SMAD3: variants seen among roughly 807,000 people sequenced by gnomAD.
SMAD3 encodes MAD homolog 3.
A neutral mutation model predicts 51.8 loss-of-function variants in SMAD3; 12 were observed. The ratio of observed to expected loss-of-function variants is 0.23; its 90% confidence interval spans 0.15 to 0.38. The LOEUF is 0.38. Among genes scored for constraint, SMAD3 ranks in the 10% least tolerant of loss-of-function variants. The pLI, the probability that SMAD3 is intolerant of heterozygous loss-of-function variation, is 1.00. For missense variants in SMAD3, 294 were observed against 565.6 expected, an observed-to-expected ratio of 0.52 and a Z score of 4.87; for synonymous variants, 238 against 227.7, an observed-to-expected ratio of 1.05 and a Z score of -0.41.
At chr15:67,166,662 G>GCTTGATA (rs1962597875) in intron 3 of SMAD3, 117 bp from the exon 4 acceptor site, 1 of 743,790 alleles carries the variant, frequency 1.3e-6, no homozygotes, top group Non-Finnish European at 2.4e-6. Context: ...AAGACCTGGA[G>GCTTGATA]CTCCTACAGC....
chr15:67,134,783 A>G (rs961276544), intron 1 of SMAD3, among the ~76,000 whole-genome samples: 3 of 152,210 alleles, frequency 2.0e-5, no homozygotes, highest in Non-Finnish European at 2.9e-5. Flanking sequence ...ATGATAACCT[A>G]TTATCGTGCA....
chr15:67,102,247 A>AGTGTGTGTGTGTGTGTGTGT (rs56983970), intron 1 of SMAD3, among the ~76,000 whole-genome samples: 16 of 149,210 alleles, frequency 1.1e-4, no homozygotes, highest in Admixed American at 2.0e-4. Flanking sequence ...ATGCTGTGAA[A>AGTGTGTGTGTGTGTGTGTGT]GTGTGTGTGT....
At chr15:67,153,757 C>T (rs1962210859) in intron 1 of SMAD3, among the ~76,000 whole-genome samples, 1 of 152,154 alleles carries the variant, frequency 6.6e-6, no homozygotes, top group African/African-American at 2.4e-5. Context: ...AAGATTAGCC[C>T]AAAACATCAG....
At chr15:67,134,538 GCT>G (rs1961605845) in intron 1 of SMAD3, among the ~76,000 whole-genome samples, 1 of 151,034 alleles carries the variant, frequency 6.6e-6, no homozygotes, top group African/African-American at 2.4e-5. Context: ...GTTGTCTTAC[GCT>G]CGGGGTGCCT....
chr15:67,176,002 C>T (rs558099518), intron 5 of SMAD3, among the ~76,000 whole-genome samples: 1 of 152,300 alleles, frequency 6.6e-6, no homozygotes, highest in Admixed American at 6.5e-5. Flanking sequence ...CTCCTGAGGG[C>T]CCGGTTTTTA....
chr15:67,154,816 T>TA (rs987877032), intron 1 of SMAD3, among the ~76,000 whole-genome samples: 3 of 151,684 alleles, frequency 2.0e-5, no homozygotes, highest in South Asian at 2.1e-4. Context: ...TCCCTTTTTT[T>TA]AAAAAAAAAT....
intron 1 of SMAD3, among the ~76,000 whole-genome samples, chr15:67,131,234 C>T (rs892754223): frequency 3.9e-5 from 6 of 152,196 alleles, no homozygotes; most frequent in Non-Finnish European, 8.8e-5. Flanking sequence ...GGCAGATTCC[C>T]GAAGCTGACT....
chr15:67,095,144 C>T (rs1871201082), intron 1 of SMAD3, among the ~76,000 whole-genome samples: 1 of 152,176 alleles, frequency 6.6e-6, no homozygotes, highest in Non-Finnish European at 1.5e-5. Context: ...CAAAAGATGG[C>T]TGCGTGCTCA....
chr15:67,068,518 G>A (rs894129381), intron 1 of SMAD3, among the ~76,000 whole-genome samples: 2 of 152,306 alleles, frequency 1.3e-5, no homozygotes, highest in East Asian at 1.9e-4. Context: ...AGCCTAAGAC[G>A]TGTGAACGCT....
intron 1 of SMAD3, among the ~76,000 whole-genome samples, chr15:67,158,679 A>G (rs1962347088): frequency 6.6e-6 from 1 of 152,216 alleles, no homozygotes; most frequent in Admixed American, 6.5e-5. Context: ...AGGTGGGACC[A>G]TTGTAAGATG....
intron 1 of SMAD3, among the ~76,000 whole-genome samples, chr15:67,123,904 T>G (rs1335856013): frequency 6.6e-6 from 1 of 152,222 alleles, no homozygotes; most frequent in Non-Finnish European, 1.5e-5. Flanking sequence ...TTTCCAACTT[T>G]CGGATATGCT....
At chr15:67,162,546 C>G (rs1261323410) in intron 1 of SMAD3, among the ~76,000 whole-genome samples, 1 of 152,188 alleles carries the variant, frequency 6.6e-6, no homozygotes, top group Non-Finnish European at 1.5e-5. Context: ...ATCTCAGAGG[C>G]TACATACTGC....
intron 1 of SMAD3, among the ~76,000 whole-genome samples, chr15:67,153,562 C>G (rs557810366): frequency 6.6e-6 from 1 of 152,292 alleles, no homozygotes; most frequent in South Asian, 2.1e-4. Flanking sequence ...CCAGGGGGAT[C>G]TCAAGGGGAG....
chr15:67,107,356 C>A (rs1469763746), intron 1 of SMAD3, among the ~76,000 whole-genome samples: 1 of 152,080 alleles, frequency 6.6e-6, no homozygotes, highest in African/African-American at 2.4e-5. Context: ...AATCTTCCCA[C>A]CTGCTGCGCC....
Position 67,095,908 on chromosome 15 carries a change from G to GC in SMAD3, c.206+29549dup, listed in dbSNP as rs554590569. Among the ~76,000 whole-genome samples the GC allele has an allele frequency of 1.5e-3, 231 of 152,330 alleles. 1 individual carries two copies. Among genetic ancestry groups the GC allele is most frequent in the African/African-American group, 5.3e-3 (220 of 41,564 alleles). On this transcript the variant is annotated intron_variant, in intron 1 of 8. Transcript: ENST00000327367. ...AGCATGGATAGAGGAGATGTGGGCA[G>GC]CATGTGCCCATTGAGCCTTCTGCCC...
At chr15:67,166,646 T>A in intron 3 of SMAD3, 133 bp from the exon 4 acceptor site, 1 of 718,812 alleles carries the variant, frequency 1.4e-6, no homozygotes, top group Non-Finnish European at 2.6e-6. Context: ...CTGGAACCTC[T>A]ACTCCAAGAC....
intron 5 of SMAD3, among the ~76,000 whole-genome samples, chr15:67,175,834 G>C (rs947387983): frequency 6.6e-6 from 1 of 152,212 alleles, no homozygotes; most frequent in East Asian, 1.9e-4. Context: ...CCAGTTCCAG[G>C]CATCTTCATG....
intron 1 of SMAD3, among the ~76,000 whole-genome samples, chr15:67,112,299 G>A (rs1433688620): frequency 1.7e-4 from 26 of 150,000 alleles, no homozygotes; most frequent in Non-Finnish European, 2.8e-4. Flanking sequence ...ACAGGCGCCC[G>A]CCACCACTCC....
intron 1 of SMAD3, among the ~76,000 whole-genome samples, chr15:67,094,904 C>T (rs557702773): frequency 3.3e-4 from 50 of 152,272 alleles, no homozygotes; most frequent in Non-Finnish European, 6.6e-4. Context: ...AGGGGGTCTC[C>T]GTGGATGTGG....
Sources: gnomAD v4.1 joint callset for allele counts (sites outside exome capture counted in the v4.1 genomes callset) on GRCh38, gnomAD v4.1.1 for gene constraint, MANE v1.5 for transcripts, NCBI Gene and HGNC (gene_info 2026-07-23, HGNC 2026-07-21) for gene names.